Variants in PPFIA2 observed in about 807,000 individuals in gnomAD.
PPFIA2 encodes the protein liprin-alpha-2.
Under a neutral mutation model 175.5 loss-of-function variants are expected in PPFIA2, and 46 were observed. That is an observed-to-expected ratio of 0.26 (90% CI 0.21 to 0.34). The LOEUF (loss-of-function observed/expected upper bound fraction) is 0.34, where lower values mean the gene tolerates loss of function less well. Ranked by LOEUF, PPFIA2 falls within the 10% of genes least tolerant of loss-of-function variation. The pLI is 1.00. For missense variants in PPFIA2, 1,179 were observed against 1,506.1 expected, an observed-to-expected ratio of 0.78 and a Z score of 3.60; for synonymous variants, 568 against 511.4, an observed-to-expected ratio of 1.11 and a Z score of -1.49.
Position 81,258,292 on chromosome 12 carries a change from A to G in PPFIA2, c.*1402T>C, listed in dbSNP as rs951220882. ...GGAATTATTATTTTTTTTATTGACA[A>G]TGGAAAGGGTTTCTGTTATCATTAC... On this transcript the variant is annotated 3_prime_UTR_variant, in exon 33 of 33. Transcript: ENST00000549396. The G allele has an allele frequency of 6.6e-6, 1 of 152,134 alleles. No homozygotes were observed. Among genetic ancestry groups the G allele is most frequent in the Non-Finnish European group, 1.5e-5 (1 of 68,014 alleles). 9.4% of individuals were successfully genotyped at this position (152,134 alleles called of 1,614,324 possible).
At chr12:81,539,368 A>G (rs2065877332) in intron 4 of PPFIA2, among the ~76,000 whole-genome samples, 1 of 151,934 alleles carries the variant, frequency 6.6e-6, no homozygotes, top group Admixed American at 6.6e-5. Flanking sequence ...GAGATCACCA[A>G]ATAACCAAGG....
chr12:81,737,525 C>T (rs2081764724), intron 3 of PPFIA2, among the ~76,000 whole-genome samples: 2 of 151,878 alleles, frequency 1.3e-5, no homozygotes, highest in Non-Finnish European at 2.9e-5. Context: ...AGATGACTGT[C>T]ACACAGTCAA....
At chr12:81,281,482 A>T (rs1351668237) in intron 26 of PPFIA2, 32 bp from the exon 27 acceptor site, 1 of 1,449,338 alleles carries the variant, frequency 6.9e-7, no homozygotes, top group Non-Finnish European at 9.6e-7. Flanking sequence ...CAAGTTTCTT[A>T]ACCAATCAGA....
At chr12:81,573,194 T>C (rs2072887695) in intron 4 of PPFIA2, among the ~76,000 whole-genome samples, 1 of 151,944 alleles carries the variant, frequency 6.6e-6, no homozygotes, top group Non-Finnish European at 1.5e-5. Flanking sequence ...GTACTTTCTA[T>C]AAGCTCTCAA....
At chr12:81,596,361 T>C (rs1038911595) in intron 4 of PPFIA2, among the ~76,000 whole-genome samples, 9 of 152,222 alleles carry the variant, frequency 5.9e-5, no homozygotes, top group African/African-American at 2.2e-4. Flanking sequence ...TAAACACATA[T>C]TGTCTGTTAT....
chr12:81,553,674 C>T (rs548624615), intron 4 of PPFIA2, among the ~76,000 whole-genome samples: 7 of 152,200 alleles, frequency 4.6e-5, no homozygotes, highest in African/African-American at 1.7e-4. Flanking sequence ...AAGAAACCAT[C>T]CTTGCTTGAC....
At chr12:81,656,833 C>CT (rs2067864409) in intron 4 of PPFIA2, among the ~76,000 whole-genome samples, 1 of 151,684 alleles carries the variant, frequency 6.6e-6, no homozygotes, top group African/African-American at 2.4e-5. Flanking sequence ...TCTAAATGTA[C>CT]TTTAATAGAT....
At chr12:81,335,768 C>A (rs2057022458) in intron 21 of PPFIA2, among the ~76,000 whole-genome samples, 1 of 134,024 alleles carries the variant, frequency 7.5e-6, no homozygotes, top group Admixed American at 7.7e-5. Context: ...ACAACAACAA[C>A]AACAACAACA....
At chr12:81,278,888 A>G (rs1056418709) in intron 27 of PPFIA2, among the ~76,000 whole-genome samples, 1 of 152,244 alleles carries the variant, frequency 6.6e-6, no homozygotes, top group Non-Finnish European at 1.5e-5. Flanking sequence ...CTTACTTGCT[A>G]GATGCATTTC....
intron 18 of PPFIA2, 137 bp from the exon 19 acceptor site, chr12:81,344,830 T>A: frequency 1.6e-6 from 1 of 631,054 alleles, no homozygotes; most frequent in Non-Finnish European, 2.7e-6. Context: ...TAAATAAACA[T>A]ATTTTAATTA....
At chr12:81,439,944 C>G in intron 7 of PPFIA2, 28 bp downstream of exon 7, 1 of 1,584,706 alleles carries the variant, frequency 6.3e-7, no homozygotes, top group Admixed American at 1.8e-5. Flanking sequence ...TATTGCACCT[C>G]AAAAGAGGAG....
intron 4 of PPFIA2, among the ~76,000 whole-genome samples, chr12:81,605,650 G>GCTAGCTAT (rs1555519847): frequency 7.0e-5 from 10 of 143,782 alleles, no homozygotes; most frequent in African/African-American, 2.4e-4. Context: ...CATCCATCCA[G>GCTAGCTAT]CTATCTATCT....
chr12:81,505,275 A>T (rs2061029952), intron 4 of PPFIA2, among the ~76,000 whole-genome samples: 1 of 151,970 alleles, frequency 6.6e-6, no homozygotes, highest in African/African-American at 2.4e-5. Flanking sequence ...TATAATTAAA[A>T]AAAAAAAAAA....
At chr12:81,445,477 G>A in intron 6 of PPFIA2, 79 bp downstream of exon 6, 1 of 1,360,376 alleles carries the variant, frequency 7.4e-7, no homozygotes, top group East Asian at 2.4e-5. Context: ...GGAGTCAGGT[G>A]AGTCAATGGA....
chr12:81,666,849 C>G (rs1299269336), intron 4 of PPFIA2, among the ~76,000 whole-genome samples: 2 of 152,062 alleles, frequency 1.3e-5, no homozygotes, highest in East Asian at 3.9e-4. Flanking sequence ...GAGGTTGAGT[C>G]AAAAATCAAA....
chr12:81,259,739 C>A, intron 32 of PPFIA2, 79 bp from the exon 33 acceptor site: 1 of 1,279,710 alleles, frequency 7.8e-7, no homozygotes, highest in Non-Finnish European at 1.1e-6. Context: ...CTGTGGTGTA[C>A]CTCCACGCAG....
chr12:81,566,959 T>A (rs572659928), intron 4 of PPFIA2, among the ~76,000 whole-genome samples: 1 of 152,256 alleles, frequency 6.6e-6, no homozygotes, highest in Non-Finnish European at 1.5e-5. Context: ...CAACTGCATG[T>A]TGTAAGAATA....
intron 8 of PPFIA2, among the ~76,000 whole-genome samples, chr12:81,391,480 A>G (rs2040108061): frequency 1.3e-5 from 2 of 151,930 alleles, no homozygotes; most frequent in Admixed American, 1.3e-4. Context: ...ATAGAATGAC[A>G]AGGAGCCATC....
intron 4 of PPFIA2, among the ~76,000 whole-genome samples, chr12:81,564,907 C>A (rs1166492827): frequency 1.3e-5 from 2 of 152,108 alleles, no homozygotes; most frequent in Admixed American, 1.3e-4. Context: ...AAAACAGACA[C>A]AAGCTCTTAT....
Sources: allele counts gnomAD v4.1 joint callset (sites outside exome capture counted in the v4.1 genomes callset), GRCh38; gene constraint gnomAD v4.1.1; transcripts MANE v1.5; gene names NCBI Gene and HGNC (gene_info 2026-07-23, HGNC 2026-07-21).